Variants in BCAS4 observed in about 807,000 individuals in gnomAD.
The protein encoded by BCAS4 is breast carcinoma-amplified sequence 4.
In BCAS4, 9 loss-of-function variants were observed where a neutral mutation model predicts 15.7. The observed-to-expected ratio is 0.57, with a 90% CI of 0.34 to 1.00. The LOEUF is 1.00. Ranked by LOEUF, BCAS4 falls within the 50% of genes least tolerant of loss-of-function variation. The pLI is 0.02. For synonymous variants in BCAS4, 101 were observed against 99.5 expected, an observed-to-expected ratio of 1.02 and a Z score of -0.09; for missense variants, 225 against 239.1, an observed-to-expected ratio of 0.94 and a Z score of 0.39.
intron 4 of BCAS4, among the ~76,000 whole-genome samples, chr20:50,865,082 G>A (rs890776167): frequency 3.9e-5 from 6 of 152,090 alleles, no homozygotes; most frequent in Admixed American, 3.3e-4. Context: ...GACAGAGCAA[G>A]ACTCTATCTC....
intron 4 of BCAS4, among the ~76,000 whole-genome samples, chr20:50,865,434 G>C (rs958805623): frequency 6.6e-6 from 1 of 152,178 alleles, no homozygotes; most frequent in African/African-American, 2.4e-5. Flanking sequence ...GTGTGAGCTT[G>C]GATTTAGTAG....
intron 2 of BCAS4, among the ~76,000 whole-genome samples, chr20:50,818,972 C>T (rs1239826678): frequency 6.6e-6 from 1 of 152,160 alleles, no homozygotes. Flanking sequence ...CACTTGAGGT[C>T]AGGAGTTCAA....
intron 2 of BCAS4, 97 bp downstream of exon 2, chr20:50,818,379 A>C: frequency 8.3e-7 from 1 of 1,203,412 alleles, no homozygotes; most frequent in Non-Finnish European, 1.2e-6. Flanking sequence ...GTGAGTTAGC[A>C]ACCAGGAGGA....
At chr20:50,824,918 T>G (rs1359365511) in intron 2 of BCAS4, among the ~76,000 whole-genome samples, 1 of 151,832 alleles carries the variant, frequency 6.6e-6, no homozygotes, top group Non-Finnish European at 1.5e-5. Flanking sequence ...ACTTTTTTTG[T>G]TTTTTTTAGG....
chr20:50,794,932 A>C (rs1381765598), upstream of BCAS4: 1 of 1,120,634 alleles, frequency 8.9e-7, no homozygotes, highest in Non-Finnish European at 1.1e-6. Flanking sequence ...GCGCTCCTGG[A>C]GCTGCGAGCC....
intron 3 of BCAS4, chr20:50,840,871 G>T (rs1224878497): frequency 1.3e-6 from 1 of 787,574 alleles, no homozygotes; most frequent in South Asian, 1.5e-5. Context: ...CTCTTGTCGC[G>T]CAGGCTGGAC....
At chr20:50,801,717 T>C (rs976022723) in intron 1 of BCAS4, among the ~76,000 whole-genome samples, 2 of 152,064 alleles carry the variant, frequency 1.3e-5, no homozygotes, top group African/African-American at 4.8e-5. Flanking sequence ...AAGACAGGCA[T>C]GGTACCTGGT....
intron 2 of BCAS4, 22 bp downstream of exon 2, chr20:50,818,304 G>A (rs1425060860): frequency 1.2e-5 from 19 of 1,607,976 alleles, no homozygotes; most frequent in South Asian, 2.2e-5. Flanking sequence ...CCTGGAAGGC[G>A]TGGGTTTAGG....
intron 2 of BCAS4, among the ~76,000 whole-genome samples, chr20:50,818,564 G>T (rs1308293575): frequency 6.6e-6 from 1 of 152,202 alleles, no homozygotes; most frequent in Non-Finnish European, 1.5e-5. Flanking sequence ...TGGACCACAA[G>T]GTGGCACTCT....
intron 4 of BCAS4, among the ~76,000 whole-genome samples, chr20:50,865,118 A>G (rs1979292412): frequency 1.3e-5 from 2 of 152,168 alleles, no homozygotes; most frequent in African/African-American, 4.8e-5. Context: ...ATAAAAATAA[A>G]GATATACTTG....
At chr20:50,823,628 C>T (rs1238828157) in intron 2 of BCAS4, among the ~76,000 whole-genome samples, 1 of 152,090 alleles carries the variant, frequency 6.6e-6, no homozygotes, top group Non-Finnish European at 1.5e-5. Context: ...TTGAGACCAG[C>T]CTGGGCAACA....
In BCAS4 at chr20:50,848,350, T is replaced by C. The variant is rs554878874; in HGVS notation, c.399+6450T>C. 7.4e-4 allele frequency among the ~76,000 whole-genome samples: 113 copies of C among 152,116 alleles called. 1 individual carries two copies. The highest frequency in any genetic ancestry group is 2.6e-3 in the African/African-American group (110 of 41,522). ...GGGGCTGTGGAAGCTGAGAGCTAGATGATGAGTAAGTGTGGGTGTGGAGTC... is the reference window on the plus strand; with the variant it reads ...GGGGCTGTGGAAGCTGAGAGCTAGACGATGAGTAAGTGTGGGTGTGGAGTC... On this transcript the variant is annotated intron_variant, in intron 4 of 4. Transcript: ENST00000371608.
At chr20:50,808,519 G>A (rs6013019) in intron 1 of BCAS4, among the ~76,000 whole-genome samples, 63,005 of 152,040 alleles carry the variant, frequency 0.41, 15,098 homozygotes, top group African/African-American at 0.68. Flanking sequence ...GCCAACATCT[G>A]TTATTTTTTG....
intron 4 of BCAS4, among the ~76,000 whole-genome samples, chr20:50,844,825 T>C (rs551020813): frequency 6.2e-4 from 95 of 152,250 alleles, no homozygotes; most frequent in African/African-American, 2.1e-3. Flanking sequence ...TGCTAAGCCT[T>C]GGAGAGCCCC....
intron 4 of BCAS4, among the ~76,000 whole-genome samples, chr20:50,852,391 CT>C (rs1568677967): frequency 1.3e-5 from 2 of 150,760 alleles, no homozygotes. Flanking sequence ...TGTGTGTTTT[CT>C]TTTTTCTTTT....
At chr20:50,874,328 G>A (rs564627837) in intron 4 of BCAS4, among the ~76,000 whole-genome samples, 1 of 152,184 alleles carries the variant, frequency 6.6e-6, no homozygotes, top group African/African-American at 2.4e-5. Context: ...CTGGAACACC[G>A]GCCCTTGGTA....
chr20:50,826,789 T>C (rs1053642352), intron 2 of BCAS4, among the ~76,000 whole-genome samples: 3 of 152,020 alleles, frequency 2.0e-5, no homozygotes, highest in African/African-American at 7.2e-5. Context: ...GACATCACAG[T>C]GAAACCCTGT....
chr20:50,863,300 C>T (rs1274928926), intron 4 of BCAS4, among the ~76,000 whole-genome samples: 1 of 145,952 alleles, frequency 6.9e-6, no homozygotes, highest in African/African-American at 2.6e-5. Flanking sequence ...CTCTGTCACC[C>T]AGGCTGGAGT....
chr20:50,842,609 G>C (rs1391430003), intron 4 of BCAS4, among the ~76,000 whole-genome samples: 3 of 152,182 alleles, frequency 2.0e-5, no homozygotes, highest in South Asian at 2.1e-4. Context: ...GTAGAGATGG[G>C]GTTTCACCAT....
Sources: allele counts gnomAD v4.1 joint callset (sites outside exome capture counted in the v4.1 genomes callset), GRCh38; gene constraint gnomAD v4.1.1; transcripts MANE v1.5; gene names NCBI Gene and HGNC (gene_info 2026-07-23, HGNC 2026-07-21).